Variants in DYNC2H1 observed in about 807,000 individuals in gnomAD.
DYNC2H1 encodes cytoplasmic dynein 2 heavy chain 1.
In DYNC2H1, 410 loss-of-function variants were observed where a neutral mutation model predicts 570.0. The observed-to-expected ratio is 0.72, with a 90% CI of 0.66 to 0.78. The LOEUF (loss-of-function observed/expected upper bound fraction) is 0.78. Among genes scored for constraint, DYNC2H1 ranks in the 30% least tolerant of loss-of-function variants. The pLI is 0.00. For missense variants in DYNC2H1, 4,865 were observed against 5,046.4 expected, an observed-to-expected ratio of 0.96 and a Z score of 1.09; for synonymous variants, 1,688 against 1,677.6, an observed-to-expected ratio of 1.01 and a Z score of -0.15.
rs1378748206 is a variant in DYNC2H1 at position 103,189,514 on chromosome 11, G to A, written c.7293-158G>A. Among the ~76,000 whole-genome samples, 2 of 152,064 alleles carry A rather than the reference G, an allele frequency of 1.3e-5. No homozygotes were observed. Among genetic ancestry groups the A allele is most frequent in the Non-Finnish European group, 2.9e-5 (2 of 68,002 alleles). Reference sequence around the variant, plus strand: ...AATTTGGTTGAAATGAGAATGGATCGGGGCGATGAGCCTAGTCTTAGCCCC... The same window carrying A: ...AATTTGGTTGAAATGAGAATGGATCAGGGCGATGAGCCTAGTCTTAGCCCC... On this transcript the variant is annotated intron_variant, in intron 44 of 88. Coordinates refer to ENST00000375735, the MANE Select transcript of DYNC2H1 (RefSeq NM_001377.3). The surrounding 1 kb of genome is among the most constrained non-coding windows in gnomAD (Gnocchi z 4.3).
At chr11:103,138,406 A>G (rs938237269) in intron 17 of DYNC2H1, among the ~76,000 whole-genome samples, 1 of 152,154 alleles carries the variant, frequency 6.6e-6, no homozygotes, top group African/African-American at 2.4e-5. Flanking sequence ...CATCTCATCA[A>G]GAGTTTTTAG....
intron 84 of DYNC2H1, among the ~76,000 whole-genome samples, chr11:103,431,028 T>C (rs1943869751): frequency 6.6e-6 from 1 of 152,072 alleles, no homozygotes; most frequent in Non-Finnish European, 1.5e-5. Flanking sequence ...GATTGGCAAA[T>C]AGCAGCTATT....
At chr11:103,110,200 A>G (rs1450186979) in intron 1 of DYNC2H1, among the ~76,000 whole-genome samples, 1 of 151,912 alleles carries the variant, frequency 6.6e-6, no homozygotes, top group Non-Finnish European at 1.5e-5. Flanking sequence ...TTGTATTTTC[A>G]GTAGAGACGG....
intron 13 of DYNC2H1, among the ~76,000 whole-genome samples, chr11:103,131,382 C>T (rs796092557): frequency 1.1e-4 from 16 of 152,212 alleles, no homozygotes; most frequent in African/African-American, 3.4e-4. Context: ...CAAGCTCTCC[C>T]GGGTTCACCC....
At chr11:103,159,064 G>A (rs769893109) in intron 28 of DYNC2H1, 37 bp downstream of exon 28, 1 of 1,517,808 alleles carries the variant, frequency 6.6e-7, no homozygotes, top group Non-Finnish European at 9.1e-7. Context: ...TATTTATTGA[G>A]TTTCAACTGT....
intron 84 of DYNC2H1, among the ~76,000 whole-genome samples, chr11:103,418,751 C>G (rs1943374114): frequency 6.6e-6 from 1 of 152,144 alleles, no homozygotes; most frequent in Admixed American, 6.5e-5. Flanking sequence ...GAACCCCCAT[C>G]CCCAGCCAAG....
At chr11:103,425,927 A>C (rs1231253714) in intron 84 of DYNC2H1, among the ~76,000 whole-genome samples, 1 of 147,356 alleles carries the variant, frequency 6.8e-6, no homozygotes, top group Non-Finnish European at 1.5e-5. Flanking sequence ...CAGGCCCCCA[A>C]ATCTGGCCAT....
intron 53 of DYNC2H1, among the ~76,000 whole-genome samples, chr11:103,211,495 G>A (rs1565399259): frequency 1.3e-5 from 2 of 151,946 alleles, no homozygotes; most frequent in Non-Finnish European, 2.9e-5. Flanking sequence ...TAATTTATAT[G>A]TTATGACAAC....
chr11:103,457,744 G>C (rs1271206292), intron 87 of DYNC2H1, among the ~76,000 whole-genome samples: 1 of 152,110 alleles, frequency 6.6e-6, no homozygotes, highest in African/African-American at 2.4e-5. Context: ...CAGAGTGCTA[G>C]GATTACAGGC....
intron 1 of DYNC2H1, among the ~76,000 whole-genome samples, chr11:103,111,607 T>C (rs564253550): frequency 1.6e-4 from 24 of 152,102 alleles, no homozygotes; most frequent in Admixed American, 1.6e-3. Flanking sequence ...AAAGTTCGGA[T>C]AGAATGCAGT....
At chr11:103,453,440 T>C (rs937146925) in intron 85 of DYNC2H1, among the ~76,000 whole-genome samples, 1 of 148,894 alleles carries the variant, frequency 6.7e-6, no homozygotes, top group Admixed American at 6.6e-5. Context: ...TAATCTTTGT[T>C]ATTTATTTAT....
rs1945030272 is a variant in DYNC2H1 at position 103,461,993 on chromosome 11, A to G, written c.12648+5637A>G. On this transcript the variant is annotated intron_variant, in intron 87 of 88. Transcript: ENST00000375735. This position sits in a 1 kb window ranked among gnomAD's most constrained non-coding sequence, Gnocchi z 4.8. ...ATCAAAATTAAAATTCCTTGGAATC[A>G]TTTAATATTCAGTCCAAAACAATAT... 6.6e-6 allele frequency among the ~76,000 whole-genome samples: 1 copy of G among 152,146 alleles called. No individual in the cohort carries two copies.
intron 83 of DYNC2H1, among the ~76,000 whole-genome samples, chr11:103,370,075 A>G (rs528557757): frequency 6.6e-6 from 1 of 152,308 alleles, no homozygotes; most frequent in Admixed American, 6.5e-5. Context: ...CCTGGGCCAG[A>G]GGTGAGCCCA....
Position 103,116,595 on chromosome 11 carries a change from C to T in DYNC2H1, c.647C>T (p.Ser216Phe). ...AREFYNLDSL[S>F]LLEVVDLVET... ...GAGTTTTATAACTTGGACAGTCTAT[C>T]CTTACTAGAAGTTGTTGACTTGGTG... The change falls in exon 5 of 89, where the codon TCC becomes TTC. Residue 216 changes from serine (S) to phenylalanine (F), a missense_variant. Physicochemically the swap from Ser to Phe is radical, Grantham distance 155. Around this residue, in one of 5 missense-constraint regions of DYNC2H1, gnomAD observed 1,936 missense variants for 1,962.1 expected, o/e 0.99. Transcript: ENST00000375735. 1 of 1,605,378 alleles carries T rather than the reference C, an allele frequency of 6.2e-7. No homozygotes were observed. Among genetic ancestry groups the T allele is most frequent in the Non-Finnish European group, 8.5e-7 (1 of 1,175,266 alleles).
intron 84 of DYNC2H1, among the ~76,000 whole-genome samples, chr11:103,419,193 A>T (rs1943392376): frequency 6.6e-6 from 1 of 152,182 alleles, no homozygotes; most frequent in Non-Finnish European, 1.5e-5. Flanking sequence ...TGGTAGACTT[A>T]GCCATTCCAG....
At chr11:103,430,662 TATG>T (rs1047146787) in intron 84 of DYNC2H1, among the ~76,000 whole-genome samples, 2 of 152,154 alleles carry the variant, frequency 1.3e-5, no homozygotes, top group Admixed American at 1.3e-4. Flanking sequence ...CCACAAATTT[TATG>T]ATGTCATCCT....
At chr11:103,300,457 A>C (rs1346863456) in intron 75 of DYNC2H1, among the ~76,000 whole-genome samples, 1 of 152,044 alleles carries the variant, frequency 6.6e-6, no homozygotes, top group African/African-American at 2.4e-5. Context: ...TGATGGTATC[A>C]TGAATCAGAA....
At chr11:103,347,539 C>T (rs973157906) in intron 82 of DYNC2H1, among the ~76,000 whole-genome samples, 2 of 151,962 alleles carry the variant, frequency 1.3e-5, no homozygotes, top group African/African-American at 2.4e-5. Flanking sequence ...ATGAATGAAG[C>T]AAGTGCTGGA....
chr11:103,303,385 C>T (rs970808355), intron 76 of DYNC2H1, 132 bp downstream of exon 76: 7 of 912,902 alleles, frequency 7.7e-6, no homozygotes, highest in Non-Finnish European at 1.1e-5. Flanking sequence ...TCCTAATCCT[C>T]AGAACTGTGG....
Sources: gnomAD v4.1 joint callset for allele counts (sites outside exome capture counted in the v4.1 genomes callset) on GRCh38, gnomAD v4.1.1 for gene constraint, gnomAD v4.1.1 regional missense constraint, Gnocchi (gnomAD v3.1) non-coding constraint, MANE v1.5 for transcripts, NCBI Gene and HGNC (gene_info 2026-07-23, HGNC 2026-07-21) for gene names.